ZNRF1: variants seen among roughly 807,000 people sequenced by gnomAD.
ZNRF1 encodes zinc and ring finger 1.
Under a neutral mutation model 18.4 loss-of-function variants are expected in ZNRF1, and 3 were observed. The ratio of observed to expected loss-of-function variants is 0.16; its 90% confidence interval spans 0.07 to 0.42. The LOEUF (loss-of-function observed/expected upper bound fraction) is 0.42, where lower values mean the gene tolerates loss of function less well. Ranked by LOEUF, ZNRF1 falls within the 10% of genes least tolerant of loss-of-function variation. ZNRF1 has a pLI of 0.99. For synonymous variants in ZNRF1, 157 were observed against 144.2 expected, an observed-to-expected ratio of 1.09 and a Z score of -0.64; for missense variants, 310 against 329.8, an observed-to-expected ratio of 0.94 and a Z score of 0.47.
chr16:75,013,306 G>A (rs1267665084), intron 1 of ZNRF1, among the ~76,000 whole-genome samples: 1 of 151,762 alleles, frequency 6.6e-6, no homozygotes, highest in African/African-American at 2.4e-5. Flanking sequence ...CTTATCATGA[G>A]TTCCAGCCTG....
chr16:75,021,179 C>CA (rs2035142803), intron 1 of ZNRF1, among the ~76,000 whole-genome samples: 1 of 152,044 alleles, frequency 6.6e-6, no homozygotes, highest in Non-Finnish European at 1.5e-5. Flanking sequence ...TAGCTGGGAT[C>CA]ACAAGTGTGT....
At chr16:75,041,002 A>G (rs1322957322) in intron 1 of ZNRF1, among the ~76,000 whole-genome samples, 1 of 152,194 alleles carries the variant, frequency 6.6e-6, no homozygotes, top group Non-Finnish European at 1.5e-5. Flanking sequence ...ATTCCATTAT[A>G]TGAATTTACC....
At chr16:75,098,476 ACT>A (rs1395397990) in intron 2 of ZNRF1, among the ~76,000 whole-genome samples, 3 of 152,108 alleles carry the variant, frequency 2.0e-5, no homozygotes, top group African/African-American at 7.2e-5. Context: ...GGTAGGCTAC[ACT>A]CTCTGCTCAA....
chr16:75,025,593 C>T (rs2035211816), intron 1 of ZNRF1, among the ~76,000 whole-genome samples: 1 of 152,132 alleles, frequency 6.6e-6, no homozygotes, highest in Admixed American at 6.6e-5. Context: ...CTCCTATAAA[C>T]TTAGTTTGTT....
In ZNRF1 at chr16:75,093,561, C is replaced by T. The variant is rs2036165862; in HGVS notation, c.425-11C>T. The T allele has an allele frequency of 6.2e-7, 1 of 1,609,598 alleles. No homozygotes were observed. The highest frequency in any genetic ancestry group is 8.5e-7 in the Non-Finnish European group (1 of 1,176,002). ...GGAGAAAACATTTCATCCCATTCTC[C>T]TCTCTTTCAGGTTTCAAGTGCCCCA... On this transcript the variant is annotated splice_polypyrimidine_tract_variant and intron_variant, in intron 1 of 4. Transcript: ENST00000335325.
intron 1 of ZNRF1, among the ~76,000 whole-genome samples, chr16:75,054,546 T>C (rs982945929): frequency 6.6e-6 from 1 of 152,328 alleles, no homozygotes; most frequent in African/African-American, 2.4e-5. Flanking sequence ...TGGAGGTCAC[T>C]ATGTGGGCTT....
intron 1 of ZNRF1, among the ~76,000 whole-genome samples, chr16:75,056,166 G>A (rs2035665147): frequency 6.6e-6 from 1 of 152,188 alleles, no homozygotes; most frequent in South Asian, 2.1e-4. Context: ...TGAAGTTTAA[G>A]GATCCATAAG....
intron 2 of ZNRF1, among the ~76,000 whole-genome samples, chr16:75,096,515 CTT>C (rs1202296707): frequency 2.0e-5 from 3 of 152,098 alleles, no homozygotes; most frequent in African/African-American, 4.8e-5. Flanking sequence ...TAAAAAAAGA[CTT>C]AAGAGTCAGA....
chr16:75,001,717 A>G (rs993416946), intron 1 of ZNRF1, among the ~76,000 whole-genome samples: 4 of 152,200 alleles, frequency 2.6e-5, no homozygotes, highest in African/African-American at 9.7e-5. Context: ...GTGTTGAAAA[A>G]CATATGAGAT....
At chr16:75,006,518 G>A (rs927101901) in intron 1 of ZNRF1, among the ~76,000 whole-genome samples, 2 of 152,012 alleles carry the variant, frequency 1.3e-5, no homozygotes, top group African/African-American at 4.8e-5. Flanking sequence ...TCACTGCAAC[G>A]TCCACTTCCC....
chr16:75,089,985 C>T (rs895215563), intron 1 of ZNRF1, among the ~76,000 whole-genome samples: 8 of 152,194 alleles, frequency 5.3e-5, no homozygotes, highest in Non-Finnish European at 1.0e-4. Context: ...GTCACTTTAA[C>T]GCTAGGCAGT....
intron 1 of ZNRF1, among the ~76,000 whole-genome samples, chr16:75,058,478 C>T (rs1370960839): frequency 1.3e-5 from 2 of 152,122 alleles, no homozygotes; most frequent in East Asian, 3.8e-4. Context: ...TCAGCAGGAA[C>T]TAAGGAGAAT....
At chr16:75,049,370 C>T (rs959865448) in intron 1 of ZNRF1, among the ~76,000 whole-genome samples, 1 of 151,884 alleles carries the variant, frequency 6.6e-6, no homozygotes, top group African/African-American at 2.4e-5. Flanking sequence ...CTCTGTTGCC[C>T]AGGCTGGGTG....
chr16:75,048,694 G>A (rs2035548117), intron 1 of ZNRF1, among the ~76,000 whole-genome samples: 1 of 152,208 alleles, frequency 6.6e-6, no homozygotes, highest in South Asian at 2.1e-4. Flanking sequence ...CTGCACAGAT[G>A]ATGATGTGTC....
chr16:75,014,677 C>T (rs8059543), intron 1 of ZNRF1, among the ~76,000 whole-genome samples: 8,929 of 152,056 alleles, frequency 0.059, 471 homozygotes, highest in Admixed American at 0.12. Context: ...TGTGTGCATG[C>T]GTGCATGTGT....
intron 1 of ZNRF1, among the ~76,000 whole-genome samples, chr16:75,011,093 A>T (rs1461901788): frequency 6.6e-6 from 1 of 152,084 alleles, no homozygotes; most frequent in Non-Finnish European, 1.5e-5. Context: ...TTTTGCACAT[A>T]CTTCTTAGCT....
chr16:75,106,304 C>A, intron 3 of ZNRF1, 178 bp from the exon 4 acceptor site: 1 of 630,684 alleles, frequency 1.6e-6, no homozygotes, highest in Non-Finnish European at 2.8e-6. Context: ...TCTTGGTGTT[C>A]ACCCTTCTTC....
intron 1 of ZNRF1, among the ~76,000 whole-genome samples, chr16:75,069,736 T>C (rs1027211527): frequency 6.6e-6 from 1 of 152,186 alleles, no homozygotes; most frequent in Non-Finnish European, 1.5e-5. Flanking sequence ...TAAAACTGTT[T>C]GTACCCTAAT....
At chr16:75,010,901 G>A (rs373608484) in intron 1 of ZNRF1, among the ~76,000 whole-genome samples, 1 of 151,878 alleles carries the variant, frequency 6.6e-6, no homozygotes, top group Non-Finnish European at 1.5e-5. Context: ...GTAGAGATGG[G>A]GTTTCGCCAA....
Sources: allele counts gnomAD v4.1 joint callset (sites outside exome capture counted in the v4.1 genomes callset), GRCh38; gene constraint gnomAD v4.1.1; transcripts MANE v1.5; gene names NCBI Gene and HGNC (gene_info 2026-07-23, HGNC 2026-07-21).